QKI: variants seen among roughly 807,000 people sequenced by gnomAD.
The protein encoded by QKI is KH domain-containing RNA-binding protein QKI.
A neutral mutation model predicts 39.0 loss-of-function variants in QKI; 10 were observed. That is an observed-to-expected ratio of 0.26 (90% CI 0.16 to 0.43). The LOEUF (loss-of-function observed/expected upper bound fraction) is 0.43. Among genes scored for constraint, QKI ranks in the 20% least tolerant of loss-of-function variants. The probability of loss-of-function intolerance (pLI) is 1.00; values close to 1 mark genes in which losing one functional copy is unlikely to be tolerated. For missense variants in QKI, 218 were observed against 428.0 expected, an observed-to-expected ratio of 0.51 and a Z score of 4.33; for synonymous variants, 204 against 155.4, an observed-to-expected ratio of 1.31 and a Z score of -2.33.
At chr6:163,485,294 C>T (rs558542174) in intron 3 of QKI, among the ~76,000 whole-genome samples, 6 of 152,168 alleles carry the variant, frequency 3.9e-5, no homozygotes, top group South Asian at 4.1e-4. Flanking sequence ...TTGCAGAGGC[C>T]GTATCCAGGG....
At chr6:163,478,219 A>G (rs1179094571) in intron 2 of QKI, among the ~76,000 whole-genome samples, 3 of 152,204 alleles carry the variant, frequency 2.0e-5, no homozygotes, top group Admixed American at 6.5e-5. Context: ...TAGGTTTCTT[A>G]TAAGTTAAAG....
chr6:163,435,480 A>C (rs764593229), intron 1 of QKI, among the ~76,000 whole-genome samples: 23 of 152,200 alleles, frequency 1.5e-4, no homozygotes, highest in Non-Finnish European at 2.6e-4. Flanking sequence ...TTATCCACCC[A>C]TTTTGACATT....
chr6:163,467,389 A>G (rs1346127031), intron 2 of QKI, among the ~76,000 whole-genome samples: 1 of 152,238 alleles, frequency 6.6e-6, no homozygotes, highest in Non-Finnish European at 1.5e-5. Flanking sequence ...TTCTCATATA[A>G]TAAGCCTGAC....
intron 2 of QKI, among the ~76,000 whole-genome samples, chr6:163,467,341 A>G (rs904847179): frequency 6.6e-6 from 1 of 152,238 alleles, no homozygotes; most frequent in Admixed American, 6.5e-5. Flanking sequence ...ACTAAATTGT[A>G]AGTTGTATGC....
At chr6:163,466,233 A>G (rs1791741022) in intron 2 of QKI, among the ~76,000 whole-genome samples, 1 of 152,176 alleles carries the variant, frequency 6.6e-6, no homozygotes, top group Admixed American at 6.6e-5. Context: ...GAAAAGTATA[A>G]CACTGATCAA....
At chr6:163,478,258 C>T (rs16895015) in intron 2 of QKI, among the ~76,000 whole-genome samples, 3 of 152,106 alleles carry the variant, frequency 2.0e-5, no homozygotes, top group African/African-American at 7.2e-5. Context: ...TCTTAAGACA[C>T]ATTTAGTGTA....
chr6:163,439,340 G>GT (rs573449244), intron 1 of QKI, among the ~76,000 whole-genome samples: 32,675 of 107,896 alleles, frequency 0.3, 4,778 homozygotes, highest in Admixed American at 0.45. Flanking sequence ...GTTTTTTTTT[G>GT]TTTTTTTTTT....
chr6:163,568,115 T>G, intron 7 of QKI: 7 of 985,410 alleles, frequency 7.1e-6, no homozygotes, highest in Non-Finnish European at 8.4e-6. Context: ...TATGAGCACG[T>G]CTCATAGGGA....
chr6:163,570,534 T>C (rs955475751), intron 7 of QKI, 160 bp from the exon 8 acceptor site: 1 of 984,718 alleles, frequency 1.0e-6, no homozygotes, highest in Non-Finnish European at 1.2e-6. Flanking sequence ...ATTCTGTAGA[T>C]GGTGTCAATC....
chr6:163,564,142 C>A, intron 6 of QKI: 1 of 1,026,684 alleles, frequency 9.7e-7, no homozygotes, highest in African/African-American at 1.7e-5. Flanking sequence ...TGAAAGTAGT[C>A]TGAGCGCTTT....
At chr6:163,567,182 C>T (rs551861347) in intron 7 of QKI, 1 of 999,782 alleles carries the variant, frequency 1.0e-6, no homozygotes, top group Admixed American at 5.8e-5. Flanking sequence ...ACGGATGGTG[C>T]TTTAATGAGA....
In QKI at chr6:163,563,470, A is replaced by C. The variant is rs753607318; in HGVS notation, c.685A>C (p.Ile229Leu). ...AACAGCCCAGGCTGCTCCAAGGATC[A>C]TTACTGGGCCTGCGCCGGTTCTCCC... Reference protein sequence around the residue: ...AATAQAAPRIITGPAPVLPPA... With the variant: ...AATAQAAPRILTGPAPVLPPA... The change falls in exon 6 of 8, where the codon ATT (isoleucine) becomes CTT (leucine). Residue 229 changes from isoleucine to leucine, a missense_variant. Physicochemically the swap from Ile to Leu is conservative, Grantham distance 5 (BLOSUM62 2). Transcript: ENST00000361752. The C allele has an allele frequency of 1.9e-6, 3 of 1,613,986 alleles. No individual in the cohort carries two copies. The highest frequency in any genetic ancestry group is 2.5e-6 in the Non-Finnish European group (3 of 1,179,932).
intron 1 of QKI, among the ~76,000 whole-genome samples, chr6:163,437,362 G>C (rs1296332722): frequency 6.6e-6 from 1 of 152,270 alleles, no homozygotes; most frequent in Non-Finnish European, 1.5e-5. Context: ...TATAAATTTA[G>C]TGTATCGATT....
intron 3 of QKI, among the ~76,000 whole-genome samples, chr6:163,490,658 C>T (rs990279448): frequency 5.3e-5 from 8 of 152,090 alleles, no homozygotes; most frequent in Non-Finnish European, 1.2e-4. Context: ...GATAAAGGAC[C>T]ATGAACCTTA....
In QKI at chr6:163,495,380, C is replaced by CGT. The variant is rs1393508219; in HGVS notation, c.402+16494_402+16495dup. Among the ~76,000 whole-genome samples, 7 of 151,910 alleles carry CGT rather than the reference C, an allele frequency of 4.6e-5. No homozygotes were observed. The South Asian group carries it at 8.3e-4, about 18-fold the overall frequency. On this transcript the variant is annotated intron_variant, in intron 3 of 7. Transcript: ENST00000361752. ...ACTTTACCACAAATAATGAGAGTTGCGTGTGTGTGTGAGCATGCGCGTGTG... is the reference window on the plus strand; with the variant it reads ...ACTTTACCACAAATAATGAGAGTTGCGTGTGTGTGTGTGAGCATGCGCGTGTG...
chr6:163,565,778 A>C (rs1783327286), intron 6 of QKI: 2 of 1,294,484 alleles, frequency 1.5e-6, no homozygotes, highest in East Asian at 5.5e-5. Context: ...ATTTGCACAC[A>C]GATAACATGC....
chr6:163,416,134 G>C (rs1055763527), intron 1 of QKI, among the ~76,000 whole-genome samples: 2 of 151,692 alleles, frequency 1.3e-5, no homozygotes, highest in Admixed American at 1.3e-4. Flanking sequence ...TGGGCGGAGG[G>C]TTTGCTCCCG....
intron 3 of QKI, among the ~76,000 whole-genome samples, chr6:163,511,405 A>G (rs1779468952): frequency 6.6e-6 from 1 of 152,086 alleles, no homozygotes; most frequent in Non-Finnish European, 1.5e-5. Context: ...GAGAAAAATA[A>G]TGAAACTAAA....
chr6:163,499,443 AAG>A (rs1179194375), intron 3 of QKI, among the ~76,000 whole-genome samples: 1 of 152,206 alleles, frequency 6.6e-6, no homozygotes, highest in African/African-American at 2.4e-5. Flanking sequence ...TTAAATGTAA[AAG>A]AAGAACATTT....
Sources: allele counts gnomAD v4.1 joint callset (sites outside exome capture counted in the v4.1 genomes callset), GRCh38; gene constraint gnomAD v4.1.1; transcripts MANE v1.5; gene names NCBI Gene and HGNC (gene_info 2026-07-23, HGNC 2026-07-21).